Variants in TEX11 observed in about 807,000 individuals in gnomAD.
TEX11 encodes testis expressed 11.
A neutral mutation model predicts 84.4 loss-of-function variants in TEX11; 7 were observed. That is an observed-to-expected ratio of 0.08 (90% CI 0.05 to 0.16). The LOEUF (loss-of-function observed/expected upper bound fraction) is 0.16, where lower values mean the gene tolerates loss of function less well. Ranked by LOEUF, TEX11 falls within the 10% of genes least tolerant of loss-of-function variation. The probability of loss-of-function intolerance (pLI) is 1.00; values close to 1 mark genes in which losing one functional copy is unlikely to be tolerated. For missense variants in TEX11, 551 were observed against 660.5 expected, an observed-to-expected ratio of 0.83 and a Z score of 1.82; for synonymous variants, 264 against 222.8, an observed-to-expected ratio of 1.18 and a Z score of -1.64.
intron 9 of TEX11, among the ~76,000 whole-genome samples, chrX:70,773,998 C>T (rs1229082939): frequency 9.1e-6 from 1 of 110,483 alleles, no homozygotes; most frequent in Non-Finnish European, 1.9e-5. Context: ...AGGAACGCCC[C>T]TAGACCCTTG....
Position 70,702,522 on chromosome X carries a change from C to T in TEX11, c.1005-19697G>A, listed in dbSNP as rs543260399. ...GTGACTCACTTTATTGCAATACTTGCTTTATTGCAGTGTTCTGGAACCAAA... is the reference window on the plus strand; with the variant it reads ...GTGACTCACTTTATTGCAATACTTGTTTTATTGCAGTGTTCTGGAACCAAA... On this transcript the variant is annotated intron_variant, in intron 13 of 29. Coordinates refer to ENST00000374333, the MANE Select transcript of TEX11 (RefSeq NM_031276.3). Among the ~76,000 whole-genome samples, 18 of 112,101 alleles carry T rather than the reference C, an allele frequency of 1.6e-4. 1 individual carries two copies. The South Asian group carries it at 6.7e-3, about 42-fold the overall frequency.
chrX:70,569,965 A>G (rs918971831), intron 25 of TEX11, among the ~76,000 whole-genome samples: 1 of 111,864 alleles, frequency 8.9e-6, no homozygotes, highest in African/African-American at 3.3e-5. Context: ...TTAAGTCTGC[A>G]GAGGTTATTG....
At chrX:70,672,500 G>C (rs757252591) in intron 15 of TEX11, among the ~76,000 whole-genome samples, 1 of 111,684 alleles carries the variant, frequency 9.0e-6, no homozygotes, top group Non-Finnish European at 1.9e-5. Context: ...CAACATCTTC[G>C]TCAGCATTTG....
At chrX:70,775,359 T>C (rs900443982) in intron 9 of TEX11, among the ~76,000 whole-genome samples, 4 of 111,014 alleles carry the variant, frequency 3.6e-5, no homozygotes, top group African/African-American at 9.8e-5. Context: ...ATTAAAAGGC[T>C]TCTACACAGC....
At chrX:70,614,903 T>C (rs1274538210) in intron 20 of TEX11, among the ~76,000 whole-genome samples, 1 of 111,110 alleles carries the variant, frequency 9.0e-6, no homozygotes, top group African/African-American at 3.3e-5. Context: ...GAGTTTCTGC[T>C]TGGTAATCTA....
intron 25 of TEX11, among the ~76,000 whole-genome samples, chrX:70,555,042 A>G (rs1309655884): frequency 8.9e-6 from 1 of 112,027 alleles, no homozygotes; most frequent in Non-Finnish European, 1.9e-5. Context: ...ATTCACTAGA[A>G]CTACCTATAT....
At chrX:70,887,307 C>T (rs915148209) in intron 2 of TEX11, among the ~76,000 whole-genome samples, 1 of 111,962 alleles carries the variant, frequency 8.9e-6, no homozygotes, top group Non-Finnish European at 1.9e-5. Flanking sequence ...TCTTGGACAC[C>T]GTCTCTGGAC....
At chrX:70,570,189 T>C (rs2088570927) in intron 25 of TEX11, among the ~76,000 whole-genome samples, 2 of 112,177 alleles carry the variant, frequency 1.8e-5, no homozygotes, top group African/African-American at 6.5e-5. Context: ...TGAGACTCTG[T>C]GGGCATAGGA....
intron 13 of TEX11, among the ~76,000 whole-genome samples, chrX:70,712,666 C>T (rs1455828213): frequency 1.8e-5 from 2 of 111,132 alleles, no homozygotes; most frequent in African/African-American, 6.5e-5. Context: ...GCTGAAGTTG[C>T]TTATCAGCTT....
In TEX11 at chrX:70,539,120, C is replaced by T. The variant is rs750530179; in HGVS notation, c.2521-9121G>A. The stretch of plus-strand genomic sequence containing the variant: ...TGTGATCTTGGCTCATTGCAATCTC[C>T]GCCTCCTAGGTTCAAGCAATTCTTC... On this transcript the variant is annotated intron_variant, in intron 28 of 29. Transcript: ENST00000374333. 7.1e-5 allele frequency among the ~76,000 whole-genome samples: 7 copies of T among 99,116 alleles called. No homozygotes were observed. In the South Asian group the frequency reaches 3.1e-3, roughly 43 times the overall value. The allele number at this position is 99,116 out of a possible 115,157, so 86.1% of individuals were successfully genotyped here.
chrX:70,748,625 A>C (rs1385835444), intron 9 of TEX11, among the ~76,000 whole-genome samples: 1 of 106,304 alleles, frequency 9.4e-6, no homozygotes, highest in Non-Finnish European at 1.9e-5. Context: ...ATCCAGTTTC[A>C]GCTTTCTACA....
chrX:70,545,884 C>T (rs934226827), intron 28 of TEX11, among the ~76,000 whole-genome samples: 9 of 111,680 alleles, frequency 8.1e-5, no homozygotes, highest in African/African-American at 2.9e-4. Flanking sequence ...CATTATGTGG[C>T]ACATGACTAT....
intron 5 of TEX11, among the ~76,000 whole-genome samples, chrX:70,858,076 G>A (rs1009786630): frequency 9.1e-6 from 1 of 109,425 alleles, no homozygotes; most frequent in African/African-American, 3.3e-5. Context: ...AGGGGGGCAA[G>A]GGATAAAAGA....
At chrX:70,851,883 C>T (rs2091510424) in intron 7 of TEX11, among the ~76,000 whole-genome samples, 1 of 111,357 alleles carries the variant, frequency 9.0e-6, no homozygotes, top group Non-Finnish European at 1.9e-5. Flanking sequence ...CACAAAAGAC[C>T]ACTTATTGCA....
intron 13 of TEX11, among the ~76,000 whole-genome samples, chrX:70,706,287 A>G (rs2090374748): frequency 9.7e-6 from 1 of 103,050 alleles, no homozygotes; most frequent in African/African-American, 3.6e-5. Flanking sequence ...GAAGGGGAAC[A>G]TCACACACTG....
chrX:70,700,413 A>G (rs2090316415), intron 13 of TEX11, among the ~76,000 whole-genome samples: 1 of 111,749 alleles, frequency 8.9e-6, no homozygotes, highest in African/African-American at 3.2e-5. Flanking sequence ...TTCTCGCAAT[A>G]TTTCAATTTT....
At chrX:70,720,074 T>C (rs1273072198) in intron 13 of TEX11, among the ~76,000 whole-genome samples, 2 of 112,102 alleles carry the variant, frequency 1.8e-5, no homozygotes, top group African/African-American at 3.2e-5. Context: ...TGCACACGTA[T>C]GTTCATTGTG....
the TEX11 span, among the ~76,000 whole-genome samples, chrX:70,521,438 G>A: frequency 4.7e-4 from 52 of 110,490 alleles, no homozygotes; most frequent in African/African-American, 1.4e-3. Context: ...TACCATGCCC[G>A]GCTAATTTTT....
At chrX:70,633,561 T>G (rs1020928046) in intron 17 of TEX11, among the ~76,000 whole-genome samples, 3 of 111,785 alleles carry the variant, frequency 2.7e-5, no homozygotes, top group Non-Finnish European at 3.8e-5. Context: ...AAAAATAAAT[T>G]GCACCCAGAT....
Sources: gnomAD v4.1 joint callset for allele counts (sites outside exome capture counted in the v4.1 genomes callset) on GRCh38, gnomAD v4.1.1 for gene constraint, MANE v1.5 for transcripts, NCBI Gene and HGNC (gene_info 2026-07-23, HGNC 2026-07-21) for gene names.